Variants in PCDH15 observed in about 807,000 individuals in gnomAD.
PCDH15 encodes the protein protocadherin related 15.
A neutral mutation model predicts 178.5 loss-of-function variants in PCDH15; 129 were observed. The observed-to-expected ratio is 0.72, with a 90% CI of 0.63 to 0.84. The LOEUF (loss-of-function observed/expected upper bound fraction) is 0.84, where lower values mean the gene tolerates loss of function less well. Ranked by LOEUF, PCDH15 falls within the 40% of genes least tolerant of loss-of-function variation. The pLI is 0.00. For synonymous variants in PCDH15, 800 were observed against 732.0 expected (o/e 1.09, Z -1.50); for missense variants, 2,230 against 2,099.9 (o/e 1.06, Z -1.21).
chr10:55,480,415 A>G (rs117635944), intron 2 of PCDH15, among the ~76,000 whole-genome samples: 8,055 of 151,810 alleles, frequency 0.053, 266 homozygotes, highest in Non-Finnish European at 0.073. Flanking sequence ...GCCAGTTTTC[A>G]AGGGGAATGC....
At chr10:55,067,604 A>G (rs1249766664) in intron 2 of PCDH15, among the ~76,000 whole-genome samples, 2 of 150,322 alleles carry the variant, frequency 1.3e-5, no homozygotes, top group Admixed American at 1.3e-4. Flanking sequence ...CCAAATACCC[A>G]GTAGCGGAAT....
intron 2 of PCDH15, among the ~76,000 whole-genome samples, chr10:55,409,247 C>G (rs1352644321): frequency 6.6e-6 from 1 of 152,092 alleles, no homozygotes; most frequent in East Asian, 1.9e-4. Context: ...CGGTAGCACC[C>G]CTAGTGAACC....
At chr10:54,216,438 CAG>C (rs1326183298) in intron 9 of PCDH15, among the ~76,000 whole-genome samples, 1 of 152,170 alleles carries the variant, frequency 6.6e-6, no homozygotes, top group Non-Finnish European at 1.5e-5. Context: ...GCCTGTGCGA[CAG>C]AGCCAAACTC....
intron 19 of PCDH15, among the ~76,000 whole-genome samples, chr10:54,021,089 G>C (rs1197374274): frequency 1.3e-5 from 2 of 151,878 alleles, no homozygotes; most frequent in Non-Finnish European, 2.9e-5. Flanking sequence ...GAAGAAACAA[G>C]ACACAAATAC....
chr10:53,982,243 A>T (rs1459590028), intron 21 of PCDH15, among the ~76,000 whole-genome samples: 1 of 152,200 alleles, frequency 6.6e-6, no homozygotes, highest in Non-Finnish European at 1.5e-5. Context: ...TAGTTCAACC[A>T]CTGTGGAAGT....
chr10:54,687,360 T>G (rs184723860), intron 1 of PCDH15, among the ~76,000 whole-genome samples: 203 of 152,276 alleles, frequency 1.3e-3, no homozygotes, highest in Non-Finnish European at 2.6e-3. Flanking sequence ...ATACTAGTAC[T>G]CTTATGCTCA....
In PCDH15 at chr10:54,472,180, A is replaced by T. The variant is rs1486239589; in HGVS notation, c.157+55632T>A. ...TTAAATATATTTTCAGGCAGATTCTACATATTGTTCTGCTGCAAAAAATGT... is the reference window on the plus strand; with the variant it reads ...TTAAATATATTTTCAGGCAGATTCTTCATATTGTTCTGCTGCAAAAAATGT... On this transcript the variant is annotated intron_variant, in intron 3 of 37. Transcript: ENST00000644397. Among the ~76,000 whole-genome samples, 3 of 152,220 alleles carry T rather than the reference A, an allele frequency of 2.0e-5. No individual in the cohort carries two copies. In the East Asian group the frequency reaches 5.8e-4, roughly 29 times the overall value.
intron 2 of PCDH15, among the ~76,000 whole-genome samples, chr10:55,135,419 A>G (rs1476439111): frequency 1.3e-5 from 2 of 151,964 alleles, no homozygotes; most frequent in African/African-American, 4.8e-5. Context: ...CATACAGACA[A>G]GAATCCTGTC....
intron 2 of PCDH15, among the ~76,000 whole-genome samples, chr10:55,052,237 A>C (rs1263382488): frequency 2.0e-5 from 3 of 151,514 alleles, no homozygotes; most frequent in Non-Finnish European, 4.4e-5. Context: ...ACAGGCACCT[A>C]CCACCACGCC....
rs4019624 is a variant in PCDH15, at chr10:54,873,695, TTA to T, written c.-29+23753_-29+23754del. ...AAAAATCTGAAGAAACTGCTGTATTTTATATATATATATATATATATAATATA... is the reference window on the plus strand; with the variant it reads ...AAAAATCTGAAGAAACTGCTGTATTTTATATATATATATATATATAATATA... On this transcript the variant is annotated intron_variant, in intron 3 of 5. Coordinates refer to the PCDH15 transcript ENST00000458638. Among the ~76,000 whole-genome samples, 136 of 138,898 alleles carry T rather than the reference TTA, an allele frequency of 9.8e-4. No individual in the cohort carries two copies. The South Asian group carries it at 0.015, about 15-fold the overall frequency. 91.1% of individuals were successfully genotyped at this position (138,898 alleles called of 152,430 possible). A position where few individuals can be genotyped will look rare whatever the true frequency, so the allele number is the denominator to read the frequency against.
chr10:54,731,237 T>C (rs1943281750), intron 1 of PCDH15, among the ~76,000 whole-genome samples: 1 of 151,116 alleles, frequency 6.6e-6, no homozygotes, highest in African/African-American at 2.4e-5. Context: ...ATAGCTTAAA[T>C]TGATTTTATC....
At chr10:55,298,127 G>A (rs1222741208) in intron 1 of PCDH15, among the ~76,000 whole-genome samples, 1 of 152,136 alleles carries the variant, frequency 6.6e-6, no homozygotes, top group African/African-American at 2.4e-5. Flanking sequence ...AGATGGCCAG[G>A]AATCATTGGA....
chr10:55,225,508 G>A (rs1419422171), intron 1 of PCDH15, among the ~76,000 whole-genome samples: 1 of 152,064 alleles, frequency 6.6e-6, no homozygotes, highest in Non-Finnish European at 1.5e-5. Context: ...ACATTTTGCT[G>A]TCTTGTCGGA....
At chr10:54,735,161 T>C (rs971037742) in intron 1 of PCDH15, among the ~76,000 whole-genome samples, 14 of 152,084 alleles carry the variant, frequency 9.2e-5, no homozygotes, top group African/African-American at 3.1e-4. Context: ...CTATATATTT[T>C]ATGCATAGAA....
intron 2 of PCDH15, among the ~76,000 whole-genome samples, chr10:55,359,868 T>C (rs931590895): frequency 1.3e-5 from 2 of 151,678 alleles, no homozygotes; most frequent in African/African-American, 2.4e-5. Context: ...GGTTTTATGC[T>C]AAGTGAAATA....
rs1437363588 is a variant in PCDH15 at position 55,287,004 on chromosome 10, G to C, written c.-156+32595C>G. Among the ~76,000 whole-genome samples, 5 of 151,814 alleles carry C rather than the reference G, an allele frequency of 3.3e-5. No homozygotes were observed. The East Asian group carries it at 9.7e-4, about 29-fold the overall frequency. Reference sequence around the variant, plus strand: ...TACTTCCTTACTTTTGCCTAAAATAGGGCATTCATTTATTTTATATTTAGA... The same window carrying C: ...TACTTCCTTACTTTTGCCTAAAATACGGCATTCATTTATTTTATATTTAGA... On this transcript the variant is annotated intron_variant, in intron 1 of 5. Transcript: ENST00000458638.
At chr10:53,840,548 TA>T in intron 28 of PCDH15, 52 bp from the exon 29 acceptor site, 2 of 1,514,960 alleles carry the variant, frequency 1.3e-6, no homozygotes, top group Non-Finnish European at 1.8e-6. Context: ...TTTCTGGGAG[TA>T]AAAAATTACT....
At chr10:54,677,090 G>A (rs1056501041) in intron 1 of PCDH15, among the ~76,000 whole-genome samples, 5 of 152,066 alleles carry the variant, frequency 3.3e-5, no homozygotes, top group South Asian at 2.1e-4. Context: ...AGTATATTCC[G>A]GCACAACATG....
intron 2 of PCDH15, chr10:54,600,526 A>C (rs1187861410): frequency 1.7e-6 from 1 of 576,930 alleles, no homozygotes; most frequent in Non-Finnish European, 3.4e-6. Flanking sequence ...CACCAGTGAG[A>C]GGGAGATGGT....
Sources: allele counts gnomAD v4.1 joint callset (sites outside exome capture counted in the v4.1 genomes callset), GRCh38; gene constraint gnomAD v4.1.1; transcripts MANE v1.5; gene names NCBI Gene and HGNC (gene_info 2026-07-23, HGNC 2026-07-21).